The following ADGRL3 variants were observed in gnomAD, a reference collection of about 807,000 sequenced individuals.
ADGRL3 encodes the protein calcium-independent alpha-latrotoxin receptor 3.
Under a neutral mutation model 153.5 loss-of-function variants are expected in ADGRL3, and 62 were observed. That is an observed-to-expected ratio of 0.40 (90% CI 0.33 to 0.50). ADGRL3 has a LOEUF of 0.50. Ranked by LOEUF, ADGRL3 falls within the 20% of genes least tolerant of loss-of-function variation. The pLI is 0.47. For synonymous variants in ADGRL3, 710 were observed against 672.5 expected (o/e 1.06, Z -0.86); for missense variants, 1,641 against 1,859.4 (o/e 0.88, Z 2.16).
At chr4:61,770,375 GTTTGCA>G (rs1429812384) in intron 8 of ADGRL3, among the ~76,000 whole-genome samples, 1 of 152,102 alleles carries the variant, frequency 6.6e-6, no homozygotes, top group Admixed American at 6.5e-5. Flanking sequence ...CTCCCAGGAA[GTTTGCA>G]TAGCAAAAAG....
intron 6 of ADGRL3, among the ~76,000 whole-genome samples, chr4:61,719,202 T>A (rs960299575): frequency 2.0e-5 from 3 of 152,124 alleles, no homozygotes; most frequent in Admixed American, 6.5e-5. Flanking sequence ...GGAACATAAA[T>A]TCGTAAGGAA....
intron 2 of ADGRL3, among the ~76,000 whole-genome samples, chr4:61,413,114 T>C (rs2097106481): frequency 6.6e-6 from 1 of 152,180 alleles, no homozygotes; most frequent in African/African-American, 2.4e-5. Flanking sequence ...CAGGTGGAGC[T>C]GATAGAAGTC....
At chr4:61,326,461 C>A (rs2095467388) in intron 1 of ADGRL3, among the ~76,000 whole-genome samples, 1 of 151,850 alleles carries the variant, frequency 6.6e-6, no homozygotes, top group South Asian at 2.1e-4. Flanking sequence ...ACTAGTATTA[C>A]CCCTAATAGT....
At chr4:61,204,297 C>T (rs2148725121) in intron 1 of ADGRL3, among the ~76,000 whole-genome samples, 1 of 152,260 alleles carries the variant, frequency 6.6e-6, no homozygotes, top group Non-Finnish European at 1.5e-5. Context: ...TAATAGAAAA[C>T]TTAGAAAATT....
At chr4:61,698,463 C>T (rs976348161) in intron 6 of ADGRL3, among the ~76,000 whole-genome samples, 4 of 151,762 alleles carry the variant, frequency 2.6e-5, no homozygotes, top group Non-Finnish European at 5.9e-5. Context: ...CAAACAACAA[C>T]AACAACAACA....
chr4:61,682,996 G>T (rs1344940515), intron 6 of ADGRL3, among the ~76,000 whole-genome samples: 2 of 152,046 alleles, frequency 1.3e-5, no homozygotes. Context: ...TTTCACATTA[G>T]AAATATACAG....
At chr4:61,666,153 C>T (rs1207245977) in intron 5 of ADGRL3, among the ~76,000 whole-genome samples, 2 of 152,164 alleles carry the variant, frequency 1.3e-5, no homozygotes, top group Non-Finnish European at 2.9e-5. Flanking sequence ...CAGACACACA[C>T]ATGCACACAG....
rs547480503 is a variant in ADGRL3 at position 62,004,776 on chromosome 4, T to G, written c.3395+6511T>G. Among the ~76,000 whole-genome samples, 22 of 152,202 alleles carry G rather than the reference T, an allele frequency of 1.4e-4. No homozygotes were observed. The South Asian group carries it at 1.4e-3, about 10-fold the overall frequency. On this transcript the variant is annotated intron_variant, in intron 21 of 26. Transcript: ENST00000683033. ...TGCCCATGTATATACTGTGAACACT[T>G]TAGTTTTAAGAATTAGCTAGAAAAA...
At chr4:61,671,721 T>A (rs2150801013) in intron 5 of ADGRL3, among the ~76,000 whole-genome samples, 1 of 152,260 alleles carries the variant, frequency 6.6e-6, no homozygotes, top group Middle Eastern at 3.4e-3. Flanking sequence ...ATGGTCTTTA[T>A]TTCATCAGAT....
At chr4:62,036,915 T>C (rs1725308048) in intron 23 of ADGRL3, among the ~76,000 whole-genome samples, 1 of 152,080 alleles carries the variant, frequency 6.6e-6, no homozygotes, top group South Asian at 2.1e-4. Context: ...AATAAAAATT[T>C]TAGACATGAT....
chr4:61,790,099 C>T (rs938475134), intron 8 of ADGRL3, among the ~76,000 whole-genome samples: 16 of 152,060 alleles, frequency 1.1e-4, no homozygotes, highest in African/African-American at 3.1e-4. Flanking sequence ...AAGTTAACTC[C>T]GTTTAACTTT....
At chr4:61,793,212 C>G (rs1190008296) in intron 8 of ADGRL3, among the ~76,000 whole-genome samples, 1 of 152,066 alleles carries the variant, frequency 6.6e-6, no homozygotes, top group Non-Finnish European at 1.5e-5. Context: ...ATCATGAGGT[C>G]AGGAGGTCAA....
chr4:61,325,941 A>T (rs1344744537), intron 1 of ADGRL3, among the ~76,000 whole-genome samples: 1 of 152,168 alleles, frequency 6.6e-6, no homozygotes, highest in African/African-American at 2.4e-5. Flanking sequence ...TAACTTCCAG[A>T]TAGCGTATTA....
At chr4:61,811,522 AT>A (rs915625685) in intron 8 of ADGRL3, among the ~76,000 whole-genome samples, 4 of 152,044 alleles carry the variant, frequency 2.6e-5, no homozygotes, top group African/African-American at 9.7e-5. Context: ...TGAACTTAGG[AT>A]TTCTTTTGGT....
At chr4:61,937,853 A>G (rs1034525588) in intron 15 of ADGRL3, among the ~76,000 whole-genome samples, 2 of 152,188 alleles carry the variant, frequency 1.3e-5, no homozygotes, top group Non-Finnish European at 2.9e-5. Flanking sequence ...ATGTAGAAAT[A>G]TATTAGTCAA....
At chr4:61,255,621 T>C (rs753346713) in intron 1 of ADGRL3, among the ~76,000 whole-genome samples, 2 of 152,230 alleles carry the variant, frequency 1.3e-5, no homozygotes, top group Non-Finnish European at 2.9e-5. Context: ...TTCACATCAA[T>C]GTTACGAAAT....
At chr4:61,307,738 C>T (rs1248898917) in intron 1 of ADGRL3, among the ~76,000 whole-genome samples, 2 of 151,890 alleles carry the variant, frequency 1.3e-5, no homozygotes, top group African/African-American at 2.4e-5. Flanking sequence ...AAAGTAAAAC[C>T]AATGTGAGGT....
At chr4:61,408,779 C>G (rs2097039797) in intron 2 of ADGRL3, among the ~76,000 whole-genome samples, 1 of 151,476 alleles carries the variant, frequency 6.6e-6, no homozygotes, top group Non-Finnish European at 1.5e-5. Context: ...GATTTTTTTT[C>G]TTGGAAGTGA....
At chr4:61,252,942 T>G (rs1029433908) in intron 1 of ADGRL3, among the ~76,000 whole-genome samples, 4 of 151,722 alleles carry the variant, frequency 2.6e-5, no homozygotes, top group African/African-American at 9.8e-5. Flanking sequence ...TTCTGGATGC[T>G]TTTTTCTCCT....
Sources: allele counts gnomAD v4.1 joint callset (sites outside exome capture counted in the v4.1 genomes callset), GRCh38; gene constraint gnomAD v4.1.1; transcripts MANE v1.5; gene names NCBI Gene and HGNC (gene_info 2026-07-23, HGNC 2026-07-21).